The following AAK1 variants were observed in gnomAD, a reference collection of about 807,000 sequenced individuals.
AAK1 encodes the protein AP2-associated protein kinase 1.
A neutral mutation model predicts 116.0 loss-of-function variants in AAK1; 37 were observed. The ratio of observed to expected loss-of-function variants is 0.32; its 90% confidence interval spans 0.25 to 0.42. AAK1 has a LOEUF of 0.42. Among genes scored for constraint, AAK1 ranks in the 10% least tolerant of loss-of-function variants. AAK1 has a pLI of 1.00. For synonymous variants in AAK1, 458 were observed against 439.9 expected (o/e 1.04, Z -0.51); for missense variants, 919 against 1,170.6 (o/e 0.79, Z 3.14).
intron 2 of AAK1, among the ~76,000 whole-genome samples, chr2:69,565,274 C>T (rs1214973289): frequency 6.6e-6 from 1 of 152,254 alleles, no homozygotes; most frequent in African/African-American, 2.4e-5. Flanking sequence ...CTGCTAAAAA[C>T]AGCTGGATCT....
chr2:69,643,085 ATTTTTTTTTT>A lies in AAK1; in HGVS notation c.-55_-46del, dbSNP rs4067981. ...AAAGCAAAATACCGATGGTTTCTAGATTTTTTTTTTTTTTTTTTTTTTTTAAGAAAAGAGA... is the reference window on the plus strand; with the variant it reads ...AAAGCAAAATACCGATGGTTTCTAGATTTTTTTTTTTTTTAAGAAAAGAGA... On this transcript the variant is annotated 5_prime_UTR_variant, in exon 2 of 22. Transcript: ENST00000409085. 9 of 1,265,118 alleles carry A rather than the reference ATTTTTTTTTT, an allele frequency of 7.1e-6. No homozygotes were observed. In the South Asian group the frequency reaches 9.0e-5, roughly 13 times the overall value. 78.4% of individuals were successfully genotyped at this position (1,265,118 alleles called of 1,614,324 possible).
chr2:69,480,439 C>T (rs1368966829), intron 19 of AAK1, among the ~76,000 whole-genome samples: 3 of 152,026 alleles, frequency 2.0e-5, no homozygotes, highest in African/African-American at 4.8e-5. Flanking sequence ...GTGCTGGGAA[C>T]GGAACATCAA....
In AAK1 at chr2:69,643,177, G is replaced by T; in HGVS notation, c.-137C>A. 7.0e-7 allele frequency: 1 copy of T among 1,434,080 alleles called. No homozygotes were observed. The highest frequency in any genetic ancestry group is 9.1e-7 in the Non-Finnish European group (1 of 1,103,232). 88.8% of individuals were successfully genotyped at this position (1,434,080 alleles called of 1,614,324 possible). ...AGAGGAGCCACCCGAATCCGGCCGT[G>T]GGGGTGGGGGCTGAGGGAGGATGCC... On this transcript the variant is annotated 5_prime_UTR_variant, in exon 2 of 22. Coordinates refer to ENST00000409085, the MANE Select transcript of AAK1 (RefSeq NM_014911.5).
rs1441525118 is a variant in AAK1, at chr2:69,643,711, G to C, written c.-371C>G. ...GCGCTCGGCTCCCGCCCGCCCGCCA[G>C]CTGATCCCGGGAGCGCCGGGCGGAG... On this transcript the variant is annotated 5_prime_UTR_variant, in exon 1 of 22. Coordinates refer to ENST00000409085, the MANE Select transcript of AAK1 (RefSeq NM_014911.5). 1 of 1,214,920 alleles carries C rather than the reference G, an allele frequency of 8.2e-7. No homozygotes were observed. Among genetic ancestry groups the C allele is most frequent in the Non-Finnish European group, 1.0e-6 (1 of 977,362 alleles). 75.3% of individuals were successfully genotyped at this position (1,214,920 alleles called of 1,614,324 possible). A position where few individuals can be genotyped will look rare whatever the true frequency, so the allele number is the denominator to read the frequency against.
At position 69,471,232 on chromosome 2, in the gene AAK1, C is replaced by G. The variant is rs529260725; in HGVS notation, c.*4637G>C. On this transcript the variant is annotated 3_prime_UTR_variant, in exon 22 of 22. Transcript: ENST00000409085. ...GTGTCTTTAATTCTAGCAACTACCA[C>G]CATTTGGTAACTTCTTTGCATAGGT... 1.0e-6 allele frequency: 1 copy of G among 985,422 alleles called. No homozygotes were observed. Among genetic ancestry groups the G allele is most frequent in the East Asian group, 1.1e-4 (1 of 8,818 alleles). 61.0% of individuals were successfully genotyped at this position (985,422 alleles called of 1,614,324 possible). A position where few individuals can be genotyped will look rare whatever the true frequency, so the allele number is the denominator to read the frequency against.
chr2:69,475,942 C>G lies in AAK1; in HGVS notation c.2813G>C (p.Ser938Thr), dbSNP rs777339145. ...NPQGGHSRNS[S>T]GSSESSLPNL... ...GGGAAGACTGGACTCAGAGCTCCCA[C>G]TGCTGTTTCTAGAGTGCCCACCTGG... is the stretch of plus-strand genomic sequence containing the variant. Residue 938 changes from serine (S) to threonine (T), a missense_variant, in exon 22 of 22, where the codon AGT (serine) becomes ACT (threonine). Physicochemically the swap from Ser to Thr is moderately conservative, Grantham distance 58. This residue lies in a region of AAK1 where 263 missense variants were observed against 285.5 expected (regional missense o/e 0.92). Coordinates refer to ENST00000409085, the MANE Select transcript of AAK1 (RefSeq NM_014911.5). 6.2e-7 allele frequency: 1 copy of G among 1,612,274 alleles called. No homozygotes were observed. The highest frequency in any genetic ancestry group is 1.1e-5 in the South Asian group (1 of 90,530).
chr2:69,469,267 C>A lies in AAK1; in HGVS notation c.*6602G>T. 1 of 985,432 alleles carries A rather than the reference C, an allele frequency of 1.0e-6. No homozygotes were observed. 61.0% of individuals were successfully genotyped at this position (985,432 alleles called of 1,614,324 possible). On this transcript the variant is annotated 3_prime_UTR_variant, in exon 22 of 22. Coordinates refer to ENST00000409085, the MANE Select transcript of AAK1 (RefSeq NM_014911.5). ...CCAGAGAATATGGGGGAAGCCCAGA[C>A]CTCCACATTCCCTTAAGGAATTCTG...
In AAK1 at chr2:69,514,501, G is replaced by C. The variant is rs1173642678; in HGVS notation, c.1746C>G (p.Ala582=). ...GCTCCTGGGCAGGGGCTGGCTGTGG[G>C]GCTGCAGCTGGCTGTGGCTGGGGCT... is the stretch of plus-strand genomic sequence containing the variant. The part of the protein sequence containing the change: ...GQQPQPQPAA[A]PQPAPAQEPA... Residue 582 remains alanine, a synonymous_variant, in exon 13 of 22, where the codon GCC becomes GCG. Transcript: ENST00000409085. 3.2e-6 allele frequency: 5 copies of C among 1,549,922 alleles called. No homozygotes were observed. Among genetic ancestry groups the C allele is most frequent in the Non-Finnish European group, 2.6e-6 (3 of 1,146,134 alleles).
intron 2 of AAK1, among the ~76,000 whole-genome samples, chr2:69,640,337 T>G (rs958287488): frequency 2.6e-5 from 4 of 152,040 alleles, no homozygotes; most frequent in African/African-American, 9.7e-5. Flanking sequence ...ATGCCCCACT[T>G]TGAGAACCAC....
At chr2:69,506,535 T>A (rs1572904621) in intron 15 of AAK1, among the ~76,000 whole-genome samples, 1 of 152,172 alleles carries the variant, frequency 6.6e-6, no homozygotes, top group East Asian at 1.9e-4. Context: ...AGCTAATTTT[T>A]AAAATTTTTT....
chr2:69,540,009 T>A (rs946835036), intron 5 of AAK1, among the ~76,000 whole-genome samples: 1 of 152,214 alleles, frequency 6.6e-6, no homozygotes, highest in Non-Finnish European at 1.5e-5. Context: ...ACTTTGAATA[T>A]CTTGAGGGTA....
At chr2:69,608,955 T>C (rs777665912) in intron 2 of AAK1, among the ~76,000 whole-genome samples, 3 of 152,146 alleles carry the variant, frequency 2.0e-5, no homozygotes, top group Non-Finnish European at 4.4e-5. Context: ...AAAACAATGC[T>C]GAAAGAAATT....
intron 2 of AAK1, among the ~76,000 whole-genome samples, chr2:69,617,879 C>G (rs1674412901): frequency 6.6e-6 from 1 of 152,196 alleles, no homozygotes; most frequent in African/African-American, 2.4e-5. Flanking sequence ...CCATTTCCAA[C>G]TCAAAGATTA....
At position 69,545,765 on chromosome 2, in the gene AAK1, T is replaced by C. The variant is rs575397268; in HGVS notation, c.283-1221A>G. ...AGACAAAAGTAGAAAGGCTTTGGAATTGGCAGATGGAAGTCACTGGAGACT... is the reference window on the plus strand; with the variant it reads ...AGACAAAAGTAGAAAGGCTTTGGAACTGGCAGATGGAAGTCACTGGAGACT... On this transcript the variant is annotated intron_variant, in intron 3 of 21. Transcript: ENST00000409085. 3.3e-5 allele frequency among the ~76,000 whole-genome samples: 5 copies of C among 152,288 alleles called. No homozygotes were observed. In the East Asian group the frequency reaches 9.6e-4, roughly 29 times the overall value.
At chr2:69,552,160 A>G (rs1351464750) in intron 3 of AAK1, among the ~76,000 whole-genome samples, 1 of 152,186 alleles carries the variant, frequency 6.6e-6, no homozygotes, top group African/African-American at 2.4e-5. Context: ...TTAAAAAAAA[A>G]GTGGGAAAAT....
At chr2:69,629,371 T>C (rs1675058502) in intron 2 of AAK1, among the ~76,000 whole-genome samples, 2 of 152,252 alleles carry the variant, frequency 1.3e-5, no homozygotes, top group African/African-American at 2.4e-5. Context: ...CTTTACAGTA[T>C]AGCATTTAAA....
Position 69,468,343 on chromosome 2 carries a change from T to C in AAK1, c.*7526A>G. ...GAAATTCAAATAAAAGGGAGAAAAA[T>C]AAGTTTTCCAAAATAAGGTTTGCAG... On this transcript the variant is annotated 3_prime_UTR_variant, in exon 22 of 22. Transcript: ENST00000409085. 1.5e-5 allele frequency: 15 copies of C among 985,262 alleles called. No homozygotes were observed. Among genetic ancestry groups the C allele is most frequent in the Non-Finnish European group, 1.8e-5 (15 of 829,870 alleles). 61.0% of individuals were successfully genotyped at this position (985,262 alleles called of 1,614,324 possible).
At chr2:69,490,046 T>A (rs555070586) in intron 17 of AAK1, among the ~76,000 whole-genome samples, 1 of 152,278 alleles carries the variant, frequency 6.6e-6, no homozygotes, top group South Asian at 2.1e-4. Context: ...TCTCAAGAGA[T>A]GATGAATTGC....
At chr2:69,541,414 T>C (rs111905798) in intron 5 of AAK1, among the ~76,000 whole-genome samples, 6,339 of 151,992 alleles carry the variant, frequency 0.042, 451 homozygotes, top group African/African-American at 0.14. Flanking sequence ...GTATTTTTAG[T>C]AGAGACGTGG....
Sources: gnomAD v4.1 joint callset for allele counts (sites outside exome capture counted in the v4.1 genomes callset) on GRCh38, gnomAD v4.1.1 for gene constraint, gnomAD v4.1.1 regional missense constraint, MANE v1.5 for transcripts, NCBI Gene and HGNC (gene_info 2026-07-23, HGNC 2026-07-21) for gene names.